FAM234A: variants seen among roughly 807,000 people sequenced by gnomAD.
FAM234A encodes the protein family with sequence similarity 234 member A.
In FAM234A, 42 loss-of-function variants were observed where a neutral mutation model predicts 49.1. The ratio of observed to expected loss-of-function variants is 0.86; its 90% CI spans 0.67 to 1.11. The LOEUF is 1.11. FAM234A is among the 50% of genes least tolerant of loss of function. The probability of loss-of-function intolerance (pLI) is 0.00; values close to 1 mark genes in which losing one functional copy is unlikely to be tolerated. For synonymous variants in FAM234A, 369 were observed against 316.2 expected (o/e 1.17, Z -1.77); for missense variants, 815 against 745.2 (o/e 1.09, Z -1.09).
chr16:259,685 G>A, intron 4 of FAM234A, 86 bp downstream of exon 4: 2 of 868,718 alleles, frequency 2.3e-6, no homozygotes, highest in Non-Finnish European at 3.8e-6. Flanking sequence ...TTCAGTGTTT[G>A]GGGGAAGCAG....
chr16:265,980 G>C lies in FAM234A; in HGVS notation c.*958G>C. 2.0e-6 allele frequency: 2 copies of C among 985,922 alleles called. No individual in the cohort carries two copies. The highest frequency in any genetic ancestry group is 2.4e-6 in the Non-Finnish European group (2 of 830,000). The allele number at this position is 985,922 out of a possible 1,614,324, so 61.1% of individuals were successfully genotyped here. A position where few individuals can be genotyped will look rare whatever the true frequency, so the allele number is the denominator to read the frequency against. On this transcript the variant is annotated 3_prime_UTR_variant, in exon 13 of 13. Transcript: ENST00000399932. ...CCTGAGGCCCAAGGGCAGCCATGGT[G>C]CTCTGTACTGCTCGGGCCGCCCAGG...
At chr16:253,023 A>G (rs2051081655) in intron 2 of FAM234A, among the ~76,000 whole-genome samples, 1 of 152,214 alleles carries the variant, frequency 6.6e-6, no homozygotes, top group African/African-American at 2.4e-5. Flanking sequence ...TTTAAAAGGA[A>G]CCAAAATAAC....
At chr16:252,408 CTT>C (rs1211429677) in intron 2 of FAM234A, among the ~76,000 whole-genome samples, 1 of 152,050 alleles carries the variant, frequency 6.6e-6, no homozygotes, top group African/African-American at 2.4e-5. Flanking sequence ...GTCTCAATCT[CTT>C]GACCTTGTGA....
chr16:238,384 A>G (rs1295371486), intron 1 of FAM234A, among the ~76,000 whole-genome samples: 3 of 152,240 alleles, frequency 2.0e-5, no homozygotes, highest in Admixed American at 6.5e-5. Flanking sequence ...GCCTGGTCCT[A>G]TGATTTCAGC....
chr16:246,820 G>C (rs2141224630), intron 1 of FAM234A: 2 of 151,066 alleles, frequency 1.3e-5, no homozygotes, highest in South Asian at 4.2e-4. Flanking sequence ...CTGTTGCCCA[G>C]GCTGGAGTGC....
At chr16:257,879 ATCGAGTCTCGCTCTG>A (rs1162209904) in intron 3 of FAM234A, among the ~76,000 whole-genome samples, 1 of 151,514 alleles carries the variant, frequency 6.6e-6, no homozygotes, top group African/African-American at 2.4e-5. Context: ...TGTTTTTGAG[ATCGAGTCTCGCTCTG>A]TCGCCCAGGC....
intron 3 of FAM234A, among the ~76,000 whole-genome samples, chr16:257,935 G>A (rs2051301247): frequency 6.6e-6 from 1 of 151,978 alleles, no homozygotes; most frequent in Non-Finnish European, 1.5e-5. Flanking sequence ...TCAACTGACT[G>A]CAGCCTCCAC....
At chr16:246,417 CTTTTTTTT>C in intron 1 of FAM234A, among the ~76,000 whole-genome samples, 1 of 67,304 alleles carries the variant, frequency 1.5e-5, no homozygotes, top group South Asian at 6.6e-4. Flanking sequence ...TAGGTGGTGG[CTTTTTTTT>C]TTTTTTTTTT....
intron 1 of FAM234A, chr16:240,088 T>G (rs1160001219): frequency 6.6e-6 from 1 of 152,128 alleles, no homozygotes; most frequent in Non-Finnish European, 1.5e-5. Context: ...TCTCTGAAGC[T>G]CATGTTGAAT....
In FAM234A at chr16:261,426, C is replaced by T. The variant is rs761153670; in HGVS notation, c.620C>T (p.Ala207Val). 5.0e-6 allele frequency: 8 copies of T among 1,613,378 alleles called. No individual in the cohort carries two copies. Among genetic ancestry groups the T allele is most frequent in the African/African-American group, 4.0e-5 (3 of 75,068 alleles). The change falls in exon 6 of 13, where the codon GCG (alanine) becomes GTG (valine). Residue 207 changes from alanine (A) to valine (V), a missense_variant. Ala to Val is a moderately conservative substitution (Grantham distance 64). Transcript: ENST00000399932. ...WNHSSSFSGN[A>V]SILSPLLQVP... is the part of the protein sequence containing the mutation. Reference sequence around the variant, plus strand: ...CACAGCAGCAGCTTCAGCGGGAATGCGTCCATCCTGAGCCCTCTGCTGCAG... The same window carrying T: ...CACAGCAGCAGCTTCAGCGGGAATGTGTCCATCCTGAGCCCTCTGCTGCAG...
At chr16:258,293 T>A (rs373605383) in intron 3 of FAM234A, among the ~76,000 whole-genome samples, 2 of 152,014 alleles carry the variant, frequency 1.3e-5, no homozygotes, top group Non-Finnish European at 2.9e-5. Flanking sequence ...TAGGCAGAGG[T>A]CCCTGCGGCC....
rs201125551 is a variant in FAM234A at position 264,165 on chromosome 16, C to G, written c.1338C>G (p.Ser446Arg). The G allele has an allele frequency of 4.4e-6, 7 of 1,596,958 alleles. 1 individual carries two copies. Among genetic ancestry groups the G allele is most frequent in the South Asian group, 2.2e-5 (2 of 89,934 alleles). ...FWGLHELGST[S>R]ETETGEARHS... ...GCCTCCACGAGCTGGGGAGCACCAG[C>G]GAGACGGTACGGGAGCCACCCTCGG... The change falls in exon 11 of 13, where the codon AGC becomes AGG. Residue 446 changes from serine to arginine, a missense_variant. Coordinates refer to ENST00000399932, the MANE Select transcript of FAM234A (RefSeq NM_032039.4).
intron 1 of FAM234A, among the ~76,000 whole-genome samples, chr16:243,916 G>A (rs11248915): frequency 0.064 from 9,695 of 152,166 alleles, 426 homozygotes; most frequent in South Asian, 0.15. Flanking sequence ...TATTTGGGGA[G>A]TATTGTTATA....
intron 1 of FAM234A, among the ~76,000 whole-genome samples, chr16:242,117 CT>C (rs373830698): frequency 1.0e-3 from 154 of 152,328 alleles, no homozygotes; most frequent in African/African-American, 3.0e-3. Context: ...GTTCTTCCCC[CT>C]AATCAGAGTT....
intron 9 of FAM234A, 45 bp downstream of exon 9, chr16:263,447 C>G (rs375884118): frequency 1.3e-6 from 2 of 1,595,376 alleles, no homozygotes; most frequent in East Asian, 2.2e-5. Context: ...CACCCCTTCC[C>G]GGCATCCCGG....
chr16:257,205 G>C (rs944275673), intron 3 of FAM234A, among the ~76,000 whole-genome samples: 2 of 146,848 alleles, frequency 1.4e-5, no homozygotes, highest in Non-Finnish European at 3.0e-5. Context: ...AGTGTCCTTC[G>C]ATGCATAAAA....
chr16:264,888 G>C lies in FAM234A; in HGVS notation c.1525G>C (p.Val509Leu), dbSNP rs1426385712. The change falls in exon 13 of 13, where the codon GTC (valine) becomes CTC (leucine). Residue 509 changes from valine to leucine, a missense_variant. Transcript: ENST00000399932. ...GPADSEAPGLVSVIKHKVRDL... is the reference protein window; with the variant it reads ...GPADSEAPGLLSVIKHKVRDL... ...GGCAGACTCAGAGGCACCCGGCCTG[G>C]TCTCTGTGATCAAGCACAAGGTGCG... 22 of 1,612,798 alleles carry C rather than the reference G, an allele frequency of 1.4e-5. No homozygotes were observed. Among genetic ancestry groups the C allele is most frequent in the Non-Finnish European group, 1.8e-5 (21 of 1,179,986 alleles).
chr16:262,460 A>G lies in FAM234A; in HGVS notation c.878A>G (p.Tyr293Cys), dbSNP rs1157850731. 39 of 1,611,740 alleles carry G rather than the reference A, an allele frequency of 2.4e-5. No individual in the cohort carries two copies. The highest frequency in any genetic ancestry group is 3.1e-5 in the Non-Finnish European group (37 of 1,178,894). The change falls in exon 8 of 13, where the codon TAC becomes TGC. Residue 293 changes from tyrosine (Y) to cysteine (C), a missense_variant. Physicochemically the swap from Tyr to Cys is radical, Grantham distance 194. Transcript: ENST00000399932. ...SLCGCSVKGL[Y>C]EKVTGSGGPF... is the part of the protein sequence containing the mutation. The stretch of plus-strand genomic sequence containing the variant: ...TGCGGCTGCTCTGTGAAGGGTCTCT[A>G]CGAGAAGGTGACCGGGAGCGGCGGC...
intron 6 of FAM234A, 31 bp downstream of exon 6, chr16:261,545 C>T (rs976913468): frequency 4.5e-6 from 7 of 1,551,002 alleles, no homozygotes; most frequent in African/African-American, 2.7e-5. Context: ...GCTCCCAAGT[C>T]ACGAGGCCAC....
Sources: gnomAD v4.1 joint callset for allele counts (sites outside exome capture counted in the v4.1 genomes callset) on GRCh38, gnomAD v4.1.1 for gene constraint, MANE v1.5 for transcripts, NCBI Gene and HGNC (gene_info 2026-07-23, HGNC 2026-07-21) for gene names.